Variants in UGT1A5 observed in about 807,000 individuals in gnomAD.
The protein encoded by UGT1A5 is UDP glucuronosyltransferase family 1 member A5, also known as UDP-glucuronosyltransferase 1A5.
A neutral mutation model predicts 40.3 loss-of-function variants in UGT1A5; 29 were observed. The observed-to-expected ratio is 0.72, with a 90% CI of 0.54 to 0.98. UGT1A5 has a LOEUF of 0.98. Among genes scored for constraint, UGT1A5 ranks in the 50% least tolerant of loss-of-function variants. The probability of loss-of-function intolerance (pLI) is 0.00; values close to 1 mark genes in which losing one functional copy is unlikely to be tolerated. For missense variants in UGT1A5, 678 were observed against 677.9 expected (o/e 1.00, Z 0.00); for synonymous variants, 257 against 262.5 (o/e 0.98, Z 0.20).
Position 233,769,821 on chromosome 2 carries a change from C to A in UGT1A5, c.1307+1382C>A. The A allele has an allele frequency of 5.1e-6, 4 of 785,016 alleles. No individual in the cohort carries two copies. The highest frequency in any genetic ancestry group is 7.3e-6 in the Non-Finnish European group (4 of 547,448). 48.6% of individuals were successfully genotyped at this position (785,016 alleles called of 1,614,324 possible). A position where few individuals can be genotyped will look rare whatever the true frequency, so the allele number is the denominator to read the frequency against. On this transcript the variant is annotated intron_variant, in intron 4 of 4. Coordinates refer to ENST00000373414, the MANE Select transcript of UGT1A5 (RefSeq NM_019078.2). The surrounding 1 kb of genome is among the most constrained non-coding windows in gnomAD (Gnocchi z 4.4). ...TATGAGCCGTGATCATGCCACTGCA[C>A]TCCAGCAACCTGGGCAACAGAGTGA...
intron 1 of UGT1A5, among the ~76,000 whole-genome samples, chr2:233,730,659 C>T (rs572509077): frequency 5.9e-5 from 9 of 152,094 alleles, no homozygotes; most frequent in South Asian, 4.2e-4. Context: ...TCTCAGAGTT[C>T]GGAAGGCAAA....
At chr2:233,738,377 G>A (rs1404110801) in intron 1 of UGT1A5, among the ~76,000 whole-genome samples, 2 of 152,188 alleles carry the variant, frequency 1.3e-5, no homozygotes, top group Admixed American at 1.3e-4. Flanking sequence ...AAAACTACTT[G>A]AAAATGTGGA....
chr2:233,768,512 T>C (rs1026092471), intron 4 of UGT1A5, 73 bp downstream of exon 4: 15 of 1,552,814 alleles, frequency 9.7e-6, no homozygotes, highest in South Asian at 4.8e-5. Context: ...ATGAAAACAT[T>C]TACGTAGCAT....
chr2:233,761,183 A>G (rs753887460), intron 1 of UGT1A5: 42 of 1,614,074 alleles, frequency 2.6e-5, no homozygotes, highest in Non-Finnish European at 3.5e-5. Context: ...TTACATGCGT[A>G]TATTCTTTCA....
intron 1 of UGT1A5, among the ~76,000 whole-genome samples, chr2:233,727,282 A>G (rs1252298751): frequency 6.6e-6 from 1 of 152,100 alleles, no homozygotes; most frequent in African/African-American, 2.4e-5. Flanking sequence ...CAGACCCTGG[A>G]AGCTGATGAC....
intron 1 of UGT1A5, chr2:233,719,603 T>G (rs138347224): frequency 3.1e-5 from 50 of 1,610,688 alleles, no homozygotes; most frequent in Non-Finnish European, 3.7e-5. Context: ...GAGGGGACTT[T>G]GTGATGGACT....
At chr2:233,749,358 A>G (rs1263480064) in intron 1 of UGT1A5, among the ~76,000 whole-genome samples, 1 of 151,706 alleles carries the variant, frequency 6.6e-6, no homozygotes, top group Non-Finnish European at 1.5e-5. Context: ...TTAAATAGTG[A>G]CTCTTGCCCT....
chr2:233,734,900 C>G (rs1027588472), intron 1 of UGT1A5, among the ~76,000 whole-genome samples: 1 of 152,158 alleles, frequency 6.6e-6, no homozygotes, highest in Non-Finnish European at 1.5e-5. Flanking sequence ...GATTTCTATT[C>G]TTTTACATTT....
At chr2:233,744,758 T>C (rs1487522872) in intron 1 of UGT1A5, among the ~76,000 whole-genome samples, 3 of 151,834 alleles carry the variant, frequency 2.0e-5, no homozygotes, top group Non-Finnish European at 4.4e-5. Flanking sequence ...ATGGAAATAG[T>C]TTTAACTTTG....
intron 1 of UGT1A5, chr2:233,721,662 A>AG (rs2076961338): frequency 4.1e-6 from 1 of 245,624 alleles, no homozygotes; most frequent in Non-Finnish European, 8.2e-6. Context: ...GGGTCATGTA[A>AG]GGGTTAATCC....
intron 1 of UGT1A5, chr2:233,747,078 AG>A: frequency 1.8e-6 from 2 of 1,085,946 alleles, no homozygotes; most frequent in Non-Finnish European, 2.6e-6. Context: ...ATAATTAACT[AG>A]GAGGAGAGCA....
At chr2:233,757,560 A>ATATATATATATG (rs904896556) in intron 1 of UGT1A5, among the ~76,000 whole-genome samples, 14 of 123,154 alleles carry the variant, frequency 1.1e-4, no homozygotes, top group African/African-American at 4.8e-4. Context: ...ATATATATAT[A>ATATATATATATG]TGTATATATG....
chr2:233,724,822 C>G (rs372493213), intron 1 of UGT1A5, among the ~76,000 whole-genome samples: 1 of 136,056 alleles, frequency 7.3e-6, no homozygotes, highest in Admixed American at 7.2e-5. Context: ...GCTGCAATCT[C>G]GGCACTTTGG....
intron 1 of UGT1A5, among the ~76,000 whole-genome samples, chr2:233,724,353 C>A (rs2077234748): frequency 2.0e-5 from 3 of 148,046 alleles, no homozygotes; most frequent in South Asian, 4.5e-4. Flanking sequence ...CCCCCCACCT[C>A]CCTCCCGGAC....
At chr2:233,762,422 T>TAG (rs1438123944) in intron 1 of UGT1A5, among the ~76,000 whole-genome samples, 1 of 152,242 alleles carries the variant, frequency 6.6e-6, no homozygotes, top group East Asian at 1.9e-4. Flanking sequence ...TTCTACAAAA[T>TAG]AGAGTAACAG....
At chr2:233,767,365 A>C (rs559747453) in intron 2 of UGT1A5, among the ~76,000 whole-genome samples, 200 bp downstream of exon 2, 45 of 152,316 alleles carry the variant, frequency 3.0e-4, no homozygotes, top group Non-Finnish European at 4.4e-4. Flanking sequence ...ATACTCTATT[A>C]AACTATGATC....
At chr2:233,746,950 G>T (rs1693515132) in intron 1 of UGT1A5, among the ~76,000 whole-genome samples, 1 of 151,804 alleles carries the variant, frequency 6.6e-6, no homozygotes. Context: ...AGAAACAAGA[G>T]CTTGAACTTG....
At chr2:233,746,224 T>C (rs977968303) in intron 1 of UGT1A5, among the ~76,000 whole-genome samples, 14 of 151,784 alleles carry the variant, frequency 9.2e-5, no homozygotes, top group Non-Finnish European at 5.9e-5. Flanking sequence ...CAAGGACAGA[T>C]ATGCAAACTG....
At chr2:233,730,797 T>G (rs45510999) in intron 1 of UGT1A5, among the ~76,000 whole-genome samples, 5,123 of 152,228 alleles carry the variant, frequency 0.034, 100 homozygotes, top group African/African-American at 0.051. Flanking sequence ...CAGTGATGAA[T>G]GGACATGCGT....
Sources: gnomAD v4.1 joint callset for allele counts (sites outside exome capture counted in the v4.1 genomes callset) on GRCh38, gnomAD v4.1.1 for gene constraint, Gnocchi (gnomAD v3.1) non-coding constraint, MANE v1.5 for transcripts, NCBI Gene and HGNC (gene_info 2026-07-23, HGNC 2026-07-21) for gene names.